ASB3: variants seen among roughly 807,000 people sequenced by gnomAD.
ASB3 encodes the protein ankyrin repeat and SOCS box containing 3.
A neutral mutation model predicts 54.5 loss-of-function variants in ASB3; 41 were observed. The observed-to-expected ratio is 0.75, with a 90% CI of 0.59 to 0.98. The LOEUF (loss-of-function observed/expected upper bound fraction) is 0.98, where lower values mean the gene tolerates loss of function less well. Among genes scored for constraint, ASB3 ranks in the 50% least tolerant of loss-of-function variants. The probability of loss-of-function intolerance (pLI) is 0.00; values close to 1 mark genes in which losing one functional copy is unlikely to be tolerated. For missense variants in ASB3, 733 were observed against 620.0 expected, an observed-to-expected ratio of 1.18 and a Z score of -1.94; for synonymous variants, 266 against 221.2, an observed-to-expected ratio of 1.20 and a Z score of -1.80.
At chr2:53,773,146 T>A (rs1490168205) in intron 1 of ASB3, among the ~76,000 whole-genome samples, 2 of 152,160 alleles carry the variant, frequency 1.3e-5, no homozygotes, top group African/African-American at 4.8e-5. Flanking sequence ...ATAAAAAAGA[T>A]CTTCAAATTG....
At chr2:53,762,635 G>A (rs1673208194) in intron 2 of ASB3, among the ~76,000 whole-genome samples, 1 of 152,142 alleles carries the variant, frequency 6.6e-6, no homozygotes. Flanking sequence ...GTCAGCAAAT[G>A]ACTTATTATT....
intron 1 of ASB3, among the ~76,000 whole-genome samples, chr2:53,772,386 G>A (rs1673997530): frequency 1.3e-5 from 2 of 152,064 alleles, no homozygotes. Context: ...GTGTTAGCCA[G>A]GATGGTCTCA....
intron 2 of ASB3, among the ~76,000 whole-genome samples, chr2:53,761,547 C>T (rs1372391855): frequency 6.6e-6 from 1 of 152,158 alleles, no homozygotes; most frequent in African/African-American, 2.4e-5. Flanking sequence ...ATACCAGTGG[C>T]CTCCCACACC....
chr2:53,774,313 A>T, intron 1 of ASB3: 1 of 1,613,838 alleles, frequency 6.2e-7, no homozygotes, highest in East Asian at 2.2e-5. Flanking sequence ...AACATGTGAT[A>T]ATCCTGATTA....
At chr2:53,674,858 T>G (rs943304284) in intron 9 of ASB3, among the ~76,000 whole-genome samples, 2 of 152,154 alleles carry the variant, frequency 1.3e-5, no homozygotes. Flanking sequence ...AGCAAGTACC[T>G]GAGAACTCTG....
chr2:53,771,911 G>A (rs769412002), intron 1 of ASB3: 3 of 1,565,118 alleles, frequency 1.9e-6, no homozygotes, highest in Non-Finnish European at 2.6e-6. Context: ...AAACAGCCTG[G>A]AAGAGTTGTG....
intron 2 of ASB3, among the ~76,000 whole-genome samples, chr2:53,751,960 T>C (rs762922658): frequency 6.6e-6 from 1 of 152,216 alleles, no homozygotes; most frequent in Non-Finnish European, 1.5e-5. Context: ...TTATTCAAAG[T>C]AGTTTATTGA....
intron 2 of ASB3, among the ~76,000 whole-genome samples, chr2:53,762,544 T>A (rs1005117120): frequency 1.3e-5 from 2 of 152,264 alleles, no homozygotes; most frequent in Non-Finnish European, 2.9e-5. Context: ...AAAAATACTA[T>A]GAGCTAGATC....
rs1249342124 is a variant in ASB3, at chr2:53,670,009, G to C, written c.*494C>G. The C allele has an allele frequency of 7.7e-6, 1 of 129,476 alleles. No individual in the cohort carries two copies. Among genetic ancestry groups the C allele is most frequent in the African/African-American group, 2.9e-5 (1 of 33,952 alleles). The allele number at this position is 129,476 out of a possible 1,614,324, so 8.0% of individuals were successfully genotyped here. On this transcript the variant is annotated 3_prime_UTR_variant, in exon 10 of 10. Coordinates refer to ENST00000263634, the MANE Select transcript of ASB3 (RefSeq NM_016115.5). ...AAAACATGTTCTTTAATAAACATAA[G>C]AGATAGTCAAGTCTAAATAAAATAA...
chr2:53,755,799 T>C (rs1470185816), intron 2 of ASB3, among the ~76,000 whole-genome samples: 1 of 151,968 alleles, frequency 6.6e-6, no homozygotes, highest in Non-Finnish European at 1.5e-5. Context: ...GACGAGAAAA[T>C]ACCCGAAACA....
At chr2:53,690,277 A>G (rs1179905167) in intron 9 of ASB3, among the ~76,000 whole-genome samples, 1 of 152,102 alleles carries the variant, frequency 6.6e-6, no homozygotes, top group African/African-American at 2.4e-5. Context: ...TAATTAAATT[A>G]AAAACTGAGT....
intron 5 of ASB3, among the ~76,000 whole-genome samples, chr2:53,720,569 C>G (rs1282093139): frequency 2.6e-5 from 4 of 152,076 alleles, no homozygotes; most frequent in African/African-American, 9.7e-5. Flanking sequence ...ATACACACAC[C>G]CAACATTGAA....
At chr2:53,733,779 G>C (rs532598196) in intron 3 of ASB3, among the ~76,000 whole-genome samples, 2 of 152,320 alleles carry the variant, frequency 1.3e-5, no homozygotes, top group South Asian at 2.1e-4. Flanking sequence ...GACACACACA[G>C]AGAAATACAG....
chr2:53,729,391 G>A lies in ASB3; in HGVS notation c.468+67C>T. The A allele has an allele frequency of 6.5e-6, 10 of 1,530,622 alleles. No homozygotes were observed. In the South Asian group the frequency reaches 8.0e-5, roughly 12 times the overall value. 94.8% of individuals were successfully genotyped at this position (1,530,622 alleles called of 1,614,324 possible). On this transcript the variant is annotated intron_variant, in intron 4 of 9. Coordinates refer to ENST00000263634, the MANE Select transcript of ASB3 (RefSeq NM_016115.5). ...CAAGCAGAAAGCAAAAACTGCATAG[G>A]ACTGTCATTTTAAGAGGGTAAAACA... is the stretch of plus-strand genomic sequence containing the variant.
chr2:53,694,364 T>C (rs1669075164), intron 8 of ASB3: 2 of 180,812 alleles, frequency 1.1e-5, no homozygotes, highest in East Asian at 3.0e-4. Context: ...AAATTGACCA[T>C]CCTTACAGAC....
At chr2:53,719,831 G>T (rs897319904) in intron 5 of ASB3, among the ~76,000 whole-genome samples, 2 of 152,080 alleles carry the variant, frequency 1.3e-5, no homozygotes, top group Non-Finnish European at 1.5e-5. Flanking sequence ...CTCTTACAAG[G>T]GGGGAGGATC....
chr2:53,771,207 AT>A (rs986027720), intron 1 of ASB3, among the ~76,000 whole-genome samples: 11 of 151,876 alleles, frequency 7.2e-5, no homozygotes, highest in African/African-American at 1.5e-4. Context: ...TTTATGTCAT[AT>A]TTTTTTTCCC....
intron 8 of ASB3, among the ~76,000 whole-genome samples, chr2:53,698,092 G>T (rs1216837111): frequency 1.3e-5 from 2 of 152,134 alleles, no homozygotes; most frequent in African/African-American, 4.8e-5. Flanking sequence ...CAGGTCTCTT[G>T]CCTGAGCCCC....
At chr2:53,690,443 T>A (rs1348562859) in intron 9 of ASB3, among the ~76,000 whole-genome samples, 2 of 152,142 alleles carry the variant, frequency 1.3e-5, no homozygotes, top group African/African-American at 4.8e-5. Flanking sequence ...TTTTACTGAA[T>A]TGTACTTTGG....
Sources: gnomAD v4.1 joint callset for allele counts (sites outside exome capture counted in the v4.1 genomes callset) on GRCh38, gnomAD v4.1.1 for gene constraint, MANE v1.5 for transcripts, NCBI Gene and HGNC (gene_info 2026-07-23, HGNC 2026-07-21) for gene names.